TPRG1: variants seen among roughly 807,000 people sequenced by gnomAD.
TPRG1 encodes the protein tumor protein p63-regulated gene 1 protein.
A neutral mutation model predicts 29.3 loss-of-function variants in TPRG1; 29 were observed. The ratio of observed to expected loss-of-function variants is 0.99; its 90% CI spans 0.74 to 1.35. The LOEUF (loss-of-function observed/expected upper bound fraction) is 1.35, where lower values mean the gene tolerates loss of function less well. Among genes scored for constraint, TPRG1 ranks in the 40% most tolerant of loss-of-function variants. The pLI is 0.00. For missense variants in TPRG1, 327 were observed against 335.0 expected, an observed-to-expected ratio of 0.98 and a Z score of 0.19; for synonymous variants, 130 against 116.8, an observed-to-expected ratio of 1.11 and a Z score of -0.73.
chr3:189,136,864 A>T (rs1248676179), intron 3 of TPRG1, among the ~76,000 whole-genome samples: 1 of 152,168 alleles, frequency 6.6e-6, no homozygotes, highest in Non-Finnish European at 1.5e-5. Context: ...TTTAATGTCT[A>T]TTACCTTATT....
At chr3:189,129,015 C>T (rs1722809552) in intron 2 of TPRG1, among the ~76,000 whole-genome samples, 1 of 152,190 alleles carries the variant, frequency 6.6e-6, no homozygotes, top group Non-Finnish European at 1.5e-5. Context: ...ACAGCAGCAG[C>T]AACTTCTCCT....
chr3:189,052,601 G>A (rs929876479), intron 4 of TPRG1, among the ~76,000 whole-genome samples: 9 of 152,142 alleles, frequency 5.9e-5, no homozygotes, highest in African/African-American at 2.2e-4. Flanking sequence ...GTATCTACCA[G>A]AGGAAAAGAA....
intron 4 of TPRG1, among the ~76,000 whole-genome samples, chr3:189,049,257 G>A (rs915190234): frequency 6.6e-6 from 1 of 152,162 alleles, no homozygotes; most frequent in Non-Finnish European, 1.5e-5. Context: ...AAGTTTTCAA[G>A]CCCCTCTCGC....
intron 4 of TPRG1, among the ~76,000 whole-genome samples, chr3:189,087,513 G>C (rs985341161): frequency 1.3e-5 from 2 of 152,024 alleles, no homozygotes; most frequent in Non-Finnish European, 2.9e-5. Context: ...TAGTTTAATT[G>C]GATCCCGTTT....
At chr3:189,244,847 A>C (rs535691908) in intron 4 of TPRG1, among the ~76,000 whole-genome samples, 53 of 152,226 alleles carry the variant, frequency 3.5e-4, no homozygotes, top group Admixed American at 3.3e-3. Flanking sequence ...TTGGTTTTTA[A>C]CAAGATCATG....
rs572260345 is a variant in TPRG1 at position 189,181,974 on chromosome 3, G to A, written c.-10+9843G>A. On this transcript the variant is annotated intron_variant, in intron 1 of 5. Coordinates refer to ENST00000345063, the MANE Select transcript of TPRG1 (RefSeq NM_198485.4). ...CAAGTCATGTCTTACATGGATGGCA[G>A]CAGACAAAGAAAGAGAATTTGGGCA... is the stretch of plus-strand genomic sequence containing the variant. Among the ~76,000 whole-genome samples the A allele has an allele frequency of 2.6e-5, 4 of 152,290 alleles. No homozygotes were observed. The South Asian group carries it at 8.3e-4, about 32-fold the overall frequency.
chr3:189,037,083 T>C (rs999168497), intron 4 of TPRG1, among the ~76,000 whole-genome samples: 2 of 150,808 alleles, frequency 1.3e-5, no homozygotes, highest in Non-Finnish European at 3.0e-5. Context: ...CCTTTCCTCA[T>C]ACAAGTTGTC....
chr3:189,300,387 T>C (rs913338708), intron 4 of TPRG1, among the ~76,000 whole-genome samples: 6 of 152,242 alleles, frequency 3.9e-5, no homozygotes, highest in Non-Finnish European at 7.3e-5. Flanking sequence ...AGATGACACA[T>C]CTTAAATATG....
intron 1 of TPRG1, among the ~76,000 whole-genome samples, chr3:189,206,303 C>T (rs1177597817): frequency 6.6e-6 from 1 of 151,532 alleles, no homozygotes; most frequent in Admixed American, 6.6e-5. Context: ...ATTGTATTTA[C>T]AGTGCAACAT....
rs1303422804 is a variant in TPRG1, at chr3:189,241,092, G to T, written c.479+2183G>T. On this transcript the variant is annotated intron_variant, in intron 4 of 5. Transcript: ENST00000345063. Reference sequence around the variant, plus strand: ...CAAGACTTTGCACAAACATGTAATTGTTCCTTTAATGTATTAATGGATTTC... The same window carrying T: ...CAAGACTTTGCACAAACATGTAATTTTTCCTTTAATGTATTAATGGATTTC... Among the ~76,000 whole-genome samples the T allele has an allele frequency of 2.0e-5, 3 of 152,136 alleles. No homozygotes were observed. The East Asian group carries it at 5.8e-4, about 29-fold the overall frequency.
At chr3:189,084,656 G>A (rs1387785607) in intron 4 of TPRG1, among the ~76,000 whole-genome samples, 1 of 152,170 alleles carries the variant, frequency 6.6e-6, no homozygotes, top group African/African-American at 2.4e-5. Flanking sequence ...CTCTCACTAT[G>A]CGTTTCTCTC....
intron 3 of TPRG1, among the ~76,000 whole-genome samples, chr3:189,139,413 T>C (rs1724220048): frequency 6.6e-6 from 1 of 152,138 alleles, no homozygotes; most frequent in Admixed American, 6.6e-5. Context: ...TCTGTTTGCC[T>C]GACTTCTGGA....
chr3:189,297,537 C>T (rs974131990), intron 4 of TPRG1, among the ~76,000 whole-genome samples: 8 of 152,108 alleles, frequency 5.3e-5, no homozygotes, highest in African/African-American at 1.9e-4. Context: ...CACCTGGGAG[C>T]TCATTAGATG....
In TPRG1 at chr3:189,238,885, C is replaced by T; in HGVS notation, c.455C>T (p.Thr152Ile). Residue 152 changes from threonine (T) to isoleucine (I), a missense_variant, in exon 4 of 6, where the codon ACC (threonine) becomes ATC (isoleucine). Transcript: ENST00000345063. ...TATCGCATCTGCCTGGGCAAGTTCACCTTCCCTGGGATGTCCCTGGACAAG... is the reference window on the plus strand; with the variant it reads ...TATCGCATCTGCCTGGGCAAGTTCATCTTCCCTGGGATGTCCCTGGACAAG... ...AVYRICLGKF[T>I]FPGMSLDKRQ... The T allele has an allele frequency of 6.2e-7, 1 of 1,612,920 alleles. No homozygotes were observed. The highest frequency in any genetic ancestry group is 1.1e-5 in the South Asian group (1 of 90,926).
intron 4 of TPRG1, among the ~76,000 whole-genome samples, chr3:189,045,270 T>C (rs1714903832): frequency 6.6e-6 from 1 of 152,256 alleles, no homozygotes; most frequent in African/African-American, 2.4e-5. Context: ...AACACTCTAT[T>C]GCAAAAATTG....
intron 3 of TPRG1, among the ~76,000 whole-genome samples, chr3:189,133,083 G>C (rs1334892065): frequency 1.3e-5 from 2 of 152,212 alleles, no homozygotes; most frequent in African/African-American, 2.4e-5. Flanking sequence ...TACCAGAGGA[G>C]AGACTAGTGT....
intron 4 of TPRG1, among the ~76,000 whole-genome samples, chr3:189,266,665 T>G (rs1714147922): frequency 6.6e-6 from 1 of 152,174 alleles, no homozygotes; most frequent in African/African-American, 2.4e-5. Context: ...ATGGGATGAC[T>G]CTGCAAGTAT....
intron 4 of TPRG1, among the ~76,000 whole-genome samples, chr3:189,244,952 C>T (rs947954271): frequency 6.6e-6 from 1 of 152,102 alleles, no homozygotes; most frequent in East Asian, 1.9e-4. Context: ...GGCAGTTTCA[C>T]TCTTGTTGCC....
intron 4 of TPRG1, among the ~76,000 whole-genome samples, chr3:189,289,050 A>G (rs760850193): frequency 3.3e-5 from 5 of 152,198 alleles, no homozygotes; most frequent in Non-Finnish European, 5.9e-5. Flanking sequence ...CTGGGCTGAA[A>G]AAAGCTGATT....
Sources: allele counts gnomAD v4.1 joint callset (sites outside exome capture counted in the v4.1 genomes callset), GRCh38; gene constraint gnomAD v4.1.1; transcripts MANE v1.5; gene names NCBI Gene and HGNC (gene_info 2026-07-23, HGNC 2026-07-21).